The following PPM1H variants were observed in gnomAD, a reference collection of about 807,000 sequenced individuals.
PPM1H encodes the protein protein phosphatase 1H.
In PPM1H, 27 loss-of-function variants were observed where a neutral mutation model predicts 54.9. That is an observed-to-expected ratio of 0.49 (90% confidence interval 0.36 to 0.68). The LOEUF is 0.68. PPM1H is among the 30% of genes least tolerant of loss of function. The probability of loss-of-function intolerance (pLI) is 0.00; values close to 1 mark genes in which losing one functional copy is unlikely to be tolerated. For missense variants in PPM1H, 596 were observed against 667.8 expected (o/e 0.89, Z 1.19); for synonymous variants, 305 against 270.8 (o/e 1.13, Z -1.24).
intron 6 of PPM1H, among the ~76,000 whole-genome samples, chr12:62,703,377 C>CTTT (rs74743665): frequency 7.3e-6 from 1 of 136,842 alleles, no homozygotes; most frequent in Non-Finnish European, 1.6e-5. Flanking sequence ...AAAAGGAGCC[C>CTTT]TTTTTTTTTT....
At chr12:62,890,798 C>T (rs775413099) in intron 1 of PPM1H, among the ~76,000 whole-genome samples, 130 of 151,574 alleles carry the variant, frequency 8.6e-4, no homozygotes, top group Middle Eastern at 3.4e-3. Flanking sequence ...ATGTCTAACA[C>T]TTAACTCCTT....
chr12:62,798,193 G>A (rs2076747240), intron 3 of PPM1H, among the ~76,000 whole-genome samples: 1 of 152,216 alleles, frequency 6.6e-6, no homozygotes, highest in Non-Finnish European at 1.5e-5. Flanking sequence ...GAAGGCTTCA[G>A]TATTTAAAGG....
chr12:62,792,826 A>G lies in PPM1H; in HGVS notation c.757-4488T>C, dbSNP rs571920961. ...AAATCTTAGTACTGAAAGGAACATT[A>G]AAGGACCATCTGGGTGGTTCTTTTA... On this transcript the variant is annotated intron_variant, in intron 3 of 9. Coordinates refer to ENST00000228705, the MANE Select transcript of PPM1H (RefSeq NM_020700.2). 4.6e-5 allele frequency among the ~76,000 whole-genome samples: 7 copies of G among 152,362 alleles called. No homozygotes were observed. In the East Asian group the frequency reaches 1.4e-3, roughly 29 times the overall value.
At chr12:62,846,110 G>A (rs2120914419) in intron 1 of PPM1H, among the ~76,000 whole-genome samples, 1 of 152,264 alleles carries the variant, frequency 6.6e-6, no homozygotes, top group African/African-American at 2.4e-5. Flanking sequence ...ATCCTGCACA[G>A]CAGGCCCGGA....
chr12:62,832,229 T>A lies in PPM1H; in HGVS notation c.296A>T (p.Glu99Val), dbSNP rs1470389145. 1 of 1,613,544 alleles carries A rather than the reference T, an allele frequency of 6.2e-7. No homozygotes were observed. The highest frequency in any genetic ancestry group is 8.5e-7 in the Non-Finnish European group (1 of 1,179,724). The stretch of plus-strand genomic sequence containing the variant: ...TGCCTTCTTCTTCACAGTGAGCACC[T>A]CACAGCTGGCTTGGTCTTCATTGTG... ...STHNEDQASCEVLTVKKKAGA... is the reference protein window; with the variant it reads ...STHNEDQASCVVLTVKKKAGA... Residue 99 changes from glutamate to valine, a missense_variant, in exon 2 of 10, where the codon GAG becomes GTG. By Grantham distance (121) the Glu-to-Val change is moderately radical. This residue lies in a region of PPM1H where 382 missense variants were observed against 387.1 expected (regional missense o/e 0.99). Coordinates refer to ENST00000228705, the MANE Select transcript of PPM1H (RefSeq NM_020700.2).
At chr12:62,715,627 T>C (rs922055692) in intron 6 of PPM1H, among the ~76,000 whole-genome samples, 2 of 152,150 alleles carry the variant, frequency 1.3e-5, no homozygotes, top group African/African-American at 4.8e-5. Context: ...TCCTTAATTA[T>C]GAGACAAGCC....
intron 1 of PPM1H, among the ~76,000 whole-genome samples, chr12:62,841,032 T>G (rs1456666659): frequency 6.6e-6 from 1 of 151,500 alleles, no homozygotes; most frequent in Non-Finnish European, 1.5e-5. Flanking sequence ...GGACATGGGT[T>G]ATGGAGAAGA....
At chr12:62,854,386 C>A (rs181759269) in intron 1 of PPM1H, among the ~76,000 whole-genome samples, 1 of 152,230 alleles carries the variant, frequency 6.6e-6, no homozygotes, top group African/African-American at 2.4e-5. Flanking sequence ...TGAAAAGTAA[C>A]GCATCTGACA....
At chr12:62,902,879 C>T (rs1871199332) in intron 1 of PPM1H, among the ~76,000 whole-genome samples, 2 of 152,182 alleles carry the variant, frequency 1.3e-5, no homozygotes, top group African/African-American at 2.4e-5. Context: ...TGATTTGAAA[C>T]ATCCAGCCAC....
intron 5 of PPM1H, among the ~76,000 whole-genome samples, chr12:62,728,924 T>G (rs1358237913): frequency 6.6e-6 from 1 of 152,150 alleles, no homozygotes; most frequent in African/African-American, 2.4e-5. Context: ...TGCTTCCTCA[T>G]TTTCTTCCTC....
intron 4 of PPM1H, among the ~76,000 whole-genome samples, chr12:62,776,735 T>C (rs2076613791): frequency 6.6e-6 from 1 of 152,192 alleles, no homozygotes; most frequent in Non-Finnish European, 1.5e-5. Context: ...CCTGGCTCAC[T>C]TCCAAGGGCT....
chr12:62,796,860 A>G (rs926646711), intron 3 of PPM1H, among the ~76,000 whole-genome samples: 4 of 152,164 alleles, frequency 2.6e-5, no homozygotes, highest in Non-Finnish European at 4.4e-5. Context: ...CTACATTATC[A>G]ACGGCAGTTT....
chr12:62,711,203 G>A (rs895251906), intron 6 of PPM1H, among the ~76,000 whole-genome samples: 1 of 152,180 alleles, frequency 6.6e-6, no homozygotes, highest in Non-Finnish European at 1.5e-5. Flanking sequence ...TGTTGCCCAG[G>A]CTGGTCTTGA....
At chr12:62,864,974 A>G (rs1869722983) in intron 1 of PPM1H, among the ~76,000 whole-genome samples, 1 of 152,220 alleles carries the variant, frequency 6.6e-6, no homozygotes, top group Admixed American at 6.5e-5. Flanking sequence ...AGCAATCACA[A>G]TGAGAAATGA....
intron 1 of PPM1H, among the ~76,000 whole-genome samples, chr12:62,896,601 C>G (rs1219924201): frequency 3.3e-5 from 5 of 152,188 alleles, no homozygotes; most frequent in Admixed American, 1.3e-4. Context: ...CAGGAAACAA[C>G]AGGTGCTGGA....
intron 2 of PPM1H, among the ~76,000 whole-genome samples, chr12:62,830,998 C>A (rs58166389): frequency 1.3e-5 from 2 of 152,106 alleles, no homozygotes; most frequent in East Asian, 3.9e-4. Flanking sequence ...GGATTACAGG[C>A]GCCCGCCACC....
intron 8 of PPM1H, among the ~76,000 whole-genome samples, chr12:62,683,237 C>G (rs1340123696): frequency 2.0e-5 from 3 of 151,856 alleles, no homozygotes; most frequent in Non-Finnish European, 4.4e-5. Context: ...AAAGTGAATA[C>G]AAGGAATCTT....
rs1565743196 is a variant in PPM1H, at chr12:62,647,477, A to T, written c.*1012T>A. On this transcript the variant is annotated 3_prime_UTR_variant, in exon 10 of 10. Transcript: ENST00000228705. ...CCCAGATGAGCCATGGTGAACCAACAGATGCAAGCAACTTCTTAAACTGCT... is the reference window on the plus strand; with the variant it reads ...CCCAGATGAGCCATGGTGAACCAACTGATGCAAGCAACTTCTTAAACTGCT... 6.6e-6 allele frequency: 1 copy of T among 152,256 alleles called. No homozygotes were observed. Among genetic ancestry groups the T allele is most frequent in the Non-Finnish European group, 1.5e-5 (1 of 68,076 alleles). The allele number at this position is 152,256 out of a possible 1,614,324, so 9.4% of individuals were successfully genotyped here.
At chr12:62,814,517 CA>C (rs1190064763) in intron 2 of PPM1H, among the ~76,000 whole-genome samples, 3 of 152,058 alleles carry the variant, frequency 2.0e-5, no homozygotes, top group Admixed American at 6.6e-5. Flanking sequence ...CACACCCTGC[CA>C]AAAAAATTGT....
Sources: allele counts gnomAD v4.1 joint callset (sites outside exome capture counted in the v4.1 genomes callset), GRCh38; gene constraint gnomAD v4.1.1; regional missense constraint gnomAD v4.1.1; transcripts MANE v1.5; gene names NCBI Gene and HGNC (gene_info 2026-07-23, HGNC 2026-07-21).